Variants in ASB3 observed in about 807,000 individuals in gnomAD.
ASB3 encodes the protein ankyrin repeat and SOCS box containing 3.
Under a neutral mutation model 54.5 loss-of-function variants are expected in ASB3, and 41 were observed. That is an observed-to-expected ratio of 0.75 (90% CI 0.59 to 0.98). The LOEUF is 0.98. Ranked by LOEUF, ASB3 falls within the 50% of genes least tolerant of loss-of-function variation. The pLI is 0.00. For synonymous variants in ASB3, 266 were observed against 221.2 expected, an observed-to-expected ratio of 1.20 and a Z score of -1.80; for missense variants, 733 against 620.0, an observed-to-expected ratio of 1.18 and a Z score of -1.94.
chr2:53,707,556 A>G (rs1669849816), intron 7 of ASB3, among the ~76,000 whole-genome samples: 1 of 151,872 alleles, frequency 6.6e-6, no homozygotes, highest in Non-Finnish European at 1.5e-5. Flanking sequence ...GCTGAGGTGG[A>G]GAATGGCATG....
chr2:53,683,415 G>GTT (rs374579714), intron 9 of ASB3, among the ~76,000 whole-genome samples: 21 of 144,414 alleles, frequency 1.5e-4, no homozygotes, highest in Non-Finnish European at 2.3e-4. Flanking sequence ...GGCCTGTAGT[G>GTT]TTTTTTTTTT....
intron 9 of ASB3, among the ~76,000 whole-genome samples, chr2:53,673,277 C>G (rs889770253): frequency 1.3e-5 from 2 of 152,102 alleles, no homozygotes; most frequent in Non-Finnish European, 2.9e-5. Context: ...ACTACACAAC[C>G]AGAAGGAAGA....
chr2:53,765,770 T>C (rs1430324980), intron 1 of ASB3, among the ~76,000 whole-genome samples, 185 bp from the exon 2 acceptor site: 1 of 152,186 alleles, frequency 6.6e-6, no homozygotes, highest in East Asian at 1.9e-4. Context: ...GTTTCTCTGT[T>C]TGGCAGATTG....
intron 5 of ASB3, among the ~76,000 whole-genome samples, chr2:53,718,838 C>G (rs1418309691): frequency 1.3e-5 from 2 of 151,632 alleles, no homozygotes; most frequent in African/African-American, 4.8e-5. Flanking sequence ...GTAACAACAC[C>G]CATAGGCTCA....
At position 53,729,625 on chromosome 2, in the gene ASB3, C is replaced by A. The variant is rs139465377; in HGVS notation, c.356-55G>T. On this transcript the variant is annotated intron_variant, in intron 3 of 9. Coordinates refer to ENST00000263634, the MANE Select transcript of ASB3 (RefSeq NM_016115.5). Reference sequence around the variant, plus strand: ...TCAGCAAAAAGGCATGTTTGTAGGACTGGACACTTTGGTGATGTTCTCATC... The same window carrying A: ...TCAGCAAAAAGGCATGTTTGTAGGAATGGACACTTTGGTGATGTTCTCATC... 8.0e-6 allele frequency: 12 copies of A among 1,494,998 alleles called. No individual in the cohort carries two copies. The East Asian group carries it at 2.3e-4, about 28-fold the overall frequency. 92.6% of individuals were successfully genotyped at this position (1,494,998 alleles called of 1,614,324 possible). A position where few individuals can be genotyped will look rare whatever the true frequency, so the allele number is the denominator to read the frequency against.
chr2:53,688,717 A>C (rs1331409700), intron 9 of ASB3, among the ~76,000 whole-genome samples: 1 of 152,100 alleles, frequency 6.6e-6, no homozygotes, highest in Non-Finnish European at 1.5e-5. Context: ...TCTCACTCAT[A>C]AGTGGGAGTT....
chr2:53,729,680 G>T (rs1671193988), intron 3 of ASB3, 110 bp from the exon 4 acceptor site: 2 of 836,590 alleles, frequency 2.4e-6, no homozygotes, highest in Non-Finnish European at 3.9e-6. Flanking sequence ...ACAATGCTCT[G>T]ATTATTCCTA....
chr2:53,782,824 T>A (rs963792529), intron 1 of ASB3, among the ~76,000 whole-genome samples: 5 of 152,136 alleles, frequency 3.3e-5, no homozygotes, highest in Non-Finnish European at 7.4e-5. Context: ...TTCACTTTTG[T>A]CATCCAGGCT....
Position 53,765,589 on chromosome 2 carries a change from C to A in ASB3, c.-13-4G>T. On this transcript the variant is annotated splice_polypyrimidine_tract_variant and splice_region_variant and intron_variant, in intron 1 of 9. Coordinates refer to ENST00000263634, the MANE Select transcript of ASB3 (RefSeq NM_016115.5). Reference sequence around the variant, plus strand: ...AAAATCCATTTGTTTGACCAGTCTACAAAACAAGGTAGAAGGATAATACTA... The same window carrying A: ...AAAATCCATTTGTTTGACCAGTCTAAAAAACAAGGTAGAAGGATAATACTA... 6.2e-7 allele frequency: 1 copy of A among 1,614,068 alleles called. No individual in the cohort carries two copies. Among genetic ancestry groups the A allele is most frequent in the Non-Finnish European group, 8.5e-7 (1 of 1,179,978 alleles).
intron 4 of ASB3, 44 bp downstream of exon 4, chr2:53,729,414 A>G: frequency 1.9e-6 from 3 of 1,601,538 alleles, no homozygotes; most frequent in Non-Finnish European, 2.6e-6. Context: ...AGAGGGTAAA[A>G]CACACAATTT....
intron 7 of ASB3, among the ~76,000 whole-genome samples, chr2:53,712,500 A>G (rs1381110875): frequency 1.3e-5 from 2 of 152,196 alleles, no homozygotes; most frequent in East Asian, 3.8e-4. Context: ...CCTATTTAAG[A>G]TCTTTCCCAC....
chr2:53,724,893 T>G (rs1354519913), intron 5 of ASB3, among the ~76,000 whole-genome samples: 1 of 151,992 alleles, frequency 6.6e-6, no homozygotes, highest in African/African-American at 2.4e-5. Flanking sequence ...TCAAAGAACT[T>G]AAAACTACCA....
intron 9 of ASB3, among the ~76,000 whole-genome samples, chr2:53,678,295 T>C (rs1668191141): frequency 6.6e-6 from 1 of 152,134 alleles, no homozygotes; most frequent in Non-Finnish European, 1.5e-5. Context: ...CCTACATCTT[T>C]TCATTTCCCC....
At chr2:53,714,073 T>C (rs1445201449) in intron 7 of ASB3, among the ~76,000 whole-genome samples, 1 of 152,204 alleles carries the variant, frequency 6.6e-6, no homozygotes, top group Non-Finnish European at 1.5e-5. Context: ...CCATTTTTAA[T>C]TCTTGAATTG....
At chr2:53,780,514 C>T (rs76019900) in intron 1 of ASB3, among the ~76,000 whole-genome samples, 8,606 of 152,086 alleles carry the variant, frequency 0.057, 449 homozygotes, top group East Asian at 0.28. Context: ...GTATGGTGCT[C>T]GTGCCTGTAA....
At chr2:53,685,232 C>T (rs540196381) in intron 9 of ASB3, among the ~76,000 whole-genome samples, 1 of 152,214 alleles carries the variant, frequency 6.6e-6, no homozygotes, top group African/African-American at 2.4e-5. Context: ...CAGGAGTATA[C>T]TGAAGTCAAG....
At chr2:53,716,436 G>A in intron 6 of ASB3, 130 bp downstream of exon 6, 1 of 1,165,582 alleles carries the variant, frequency 8.6e-7, no homozygotes, top group Non-Finnish European at 1.2e-6. Context: ...GGGTAGATCT[G>A]TTCACCCAGC....
At chr2:53,770,715 C>T (rs770393030) in intron 1 of ASB3, among the ~76,000 whole-genome samples, 5 of 152,104 alleles carry the variant, frequency 3.3e-5, no homozygotes, top group Non-Finnish European at 7.4e-5. Flanking sequence ...AAAAGTGAAG[C>T]TTTCCATAAT....
chr2:53,683,306 G>A (rs886344536), intron 9 of ASB3, among the ~76,000 whole-genome samples: 1 of 152,078 alleles, frequency 6.6e-6, no homozygotes, highest in Non-Finnish European at 1.5e-5. Context: ...TGCATCCCTG[G>A]GATAGATTCC....
Sources: gnomAD v4.1 joint callset for allele counts (sites outside exome capture counted in the v4.1 genomes callset) on GRCh38, gnomAD v4.1.1 for gene constraint, MANE v1.5 for transcripts, NCBI Gene and HGNC (gene_info 2026-07-23, HGNC 2026-07-21) for gene names.